The following DCLK3 variants were observed in gnomAD, a reference collection of about 807,000 sequenced individuals.
DCLK3 encodes doublecortin like kinase 3.
Under a neutral mutation model 46.4 loss-of-function variants are expected in DCLK3, and 30 were observed. The observed-to-expected ratio is 0.65, with a 90% confidence interval of 0.48 to 0.88. The LOEUF (loss-of-function observed/expected upper bound fraction) is 0.88, where lower values mean the gene tolerates loss of function less well. Among genes scored for constraint, DCLK3 ranks in the 40% least tolerant of loss-of-function variants. The pLI is 0.00. For missense variants in DCLK3, 846 were observed against 907.1 expected (o/e 0.93, Z 0.87); for synonymous variants, 401 against 339.2 (o/e 1.18, Z -2.00).
chr3:36,714,228 C>T lies in DCLK3; in HGVS notation c.*1100G>A, dbSNP rs1700946874. On this transcript the variant is annotated 3_prime_UTR_variant, in exon 5 of 5. Coordinates refer to ENST00000636136, the MANE Select transcript of DCLK3 (RefSeq NM_001394672.2). ...TCTAGTACTATTCCGGTTTTCCTAACTAACACACGCCTCCGCCCAGATGGC... is the reference window on the plus strand; with the variant it reads ...TCTAGTACTATTCCGGTTTTCCTAATTAACACACGCCTCCGCCCAGATGGC... The T allele has an allele frequency of 6.6e-6, 1 of 152,224 alleles. No homozygotes were observed. 9.4% of individuals were successfully genotyped at this position (152,224 alleles called of 1,614,324 possible). A position where few individuals can be genotyped will look rare whatever the true frequency, so the allele number is the denominator to read the frequency against.
In DCLK3 at chr3:36,712,715, T is replaced by A. The variant is rs1353383464; in HGVS notation, c.*2613A>T. On this transcript the variant is annotated 3_prime_UTR_variant, in exon 5 of 5. Coordinates refer to ENST00000636136, the MANE Select transcript of DCLK3 (RefSeq NM_001394672.2). ...AAATAATCAAAATGTAGTCTTTTTT[T>A]TCTTCTTTCATTCAGCCTAATTCTT... is the stretch of plus-strand genomic sequence containing the variant. 1.3e-5 allele frequency: 2 copies of A among 152,238 alleles called. No individual in the cohort carries two copies. Among genetic ancestry groups the A allele is most frequent in the Non-Finnish European group, 2.9e-5 (2 of 68,050 alleles). 9.4% of individuals were successfully genotyped at this position (152,238 alleles called of 1,614,324 possible).
At chr3:36,734,328 T>C (rs1701233886) in intron 2 of DCLK3, among the ~76,000 whole-genome samples, 1 of 152,170 alleles carries the variant, frequency 6.6e-6, no homozygotes, top group African/African-American at 2.4e-5. Context: ...TGTTAAACTT[T>C]ACTCACCCAG....
chr3:36,752,723 A>C (rs1210327718), intron 1 of DCLK3, among the ~76,000 whole-genome samples: 1 of 151,974 alleles, frequency 6.6e-6, no homozygotes, highest in Admixed American at 6.6e-5. Flanking sequence ...CCCCTCCCTC[A>C]CCAGTCTGGT....
intron 1 of DCLK3, among the ~76,000 whole-genome samples, chr3:36,748,997 C>G (rs1701416682): frequency 6.6e-6 from 1 of 152,190 alleles, no homozygotes; most frequent in South Asian, 2.1e-4. Context: ...GGGACAGCTT[C>G]TCTTTCAGTC....
chr3:36,735,097 G>T (rs946925542), intron 2 of DCLK3, among the ~76,000 whole-genome samples: 1 of 152,164 alleles, frequency 6.6e-6, no homozygotes, highest in Admixed American at 6.5e-5. Flanking sequence ...GCTATAGTAG[G>T]CACATGACTG....
chr3:36,727,338 C>A (rs1304286996), intron 2 of DCLK3, among the ~76,000 whole-genome samples: 1 of 152,118 alleles, frequency 6.6e-6, no homozygotes, highest in Non-Finnish European at 1.5e-5. Context: ...ACTTAGTATA[C>A]CAAAGTAAGA....
rs1200246283 is a variant in DCLK3, at chr3:36,737,469, G to A, written c.1698C>T (p.Asp566=). Residue 566 remains aspartate (D), a synonymous_variant, in exon 2 of 5, where the codon GAC becomes GAT. Coordinates refer to ENST00000636136, the MANE Select transcript of DCLK3 (RefSeq NM_001394672.2). This position sits in a 1 kb window ranked among gnomAD's most constrained non-coding sequence, Gnocchi z 4.4. ...IDKSRLKGKE[D]MVDSEILIIQ... is the part of the protein sequence containing the mutation. ...TGATCAAGATCTCACTGTCCACCAT[G>A]TCCTCCTTGCCCTTGAGTCTGGACT... 3.1e-6 allele frequency: 5 copies of A among 1,614,076 alleles called. No homozygotes were observed. The highest frequency in any genetic ancestry group is 2.7e-5 in the African/African-American group (2 of 74,938).
intron 1 of DCLK3, among the ~76,000 whole-genome samples, chr3:36,754,687 C>T (rs73824476): frequency 0.018 from 2,693 of 152,280 alleles, 75 homozygotes; most frequent in African/African-American, 0.058. Context: ...TTCATGGCTC[C>T]TGTAACTCTG....
chr3:36,724,850 T>C (rs1274728235), intron 2 of DCLK3, among the ~76,000 whole-genome samples: 1 of 152,058 alleles, frequency 6.6e-6, no homozygotes, highest in East Asian at 1.9e-4. Context: ...GGAAGTAAAC[T>C]AATAAGCAGG....
rs181512442 is a variant in DCLK3, at chr3:36,737,798, G to A, written c.1369C>T (p.Arg457Cys). The A allele has an allele frequency of 5.6e-5, 90 of 1,613,996 alleles. 1 individual carries two copies. Among genetic ancestry groups the A allele is most frequent in the East Asian group, 1.8e-4 (8 of 44,866 alleles). The stretch of plus-strand genomic sequence containing the variant: ...TCCTTCTCTTCTCCTCGGGTCCTGC[G>A]GAGCTTCTCAAAGCCCGCCTGGTGC... ...REHQAGFEKL[R>C]RTRGEEKEAE... Residue 457 changes from arginine (R) to cysteine (C), a missense_variant, in exon 2 of 5, where the codon CGC becomes TGC. Coordinates refer to ENST00000636136, the MANE Select transcript of DCLK3 (RefSeq NM_001394672.2). This position sits in a 1 kb window ranked among gnomAD's most constrained non-coding sequence, Gnocchi z 4.4.
rs1575140404 is a variant in DCLK3, at chr3:36,734,308, CAT to C, written c.1959+2898_1959+2899del. On this transcript the variant is annotated intron_variant, in intron 2 of 4. Transcript: ENST00000636136. Reference sequence around the variant, plus strand: ...CATCAGATAGCATTTAGACTTCTGACATAACAATATGTTAAACTTTACTCACC... The same window carrying C: ...CATCAGATAGCATTTAGACTTCTGACAACAATATGTTAAACTTTACTCACC... Among the ~76,000 whole-genome samples the C allele has an allele frequency of 3.3e-5, 5 of 152,278 alleles. No individual in the cohort carries two copies. In the South Asian group the frequency reaches 6.2e-4, roughly 19 times the overall value.
chr3:36,736,764 G>A (rs1701267980), intron 2 of DCLK3, among the ~76,000 whole-genome samples: 3 of 152,166 alleles, frequency 2.0e-5, no homozygotes, highest in Non-Finnish European at 4.4e-5. Context: ...GACCCTTACA[G>A]TGCTGCACCT....
intron 1 of DCLK3, among the ~76,000 whole-genome samples, chr3:36,750,176 G>T (rs1701427039): frequency 6.6e-6 from 1 of 152,140 alleles, no homozygotes; most frequent in Admixed American, 6.5e-5. Flanking sequence ...TGCTTCCCGG[G>T]TTCAAGCGAC....
At chr3:36,753,222 T>C (rs564331449) in intron 1 of DCLK3, among the ~76,000 whole-genome samples, 17 of 152,260 alleles carry the variant, frequency 1.1e-4, no homozygotes, top group African/African-American at 4.1e-4. Flanking sequence ...GCATAGAAAA[T>C]ATAAAACTTT....
intron 4 of DCLK3, among the ~76,000 whole-genome samples, chr3:36,717,247 C>A (rs1015196198): frequency 6.6e-6 from 1 of 152,166 alleles, no homozygotes; most frequent in Admixed American, 6.5e-5. Context: ...TCCAGAGCAA[C>A]TGGGACCACC....
At chr3:36,758,063 G>A (rs1344604754) in intron 1 of DCLK3, among the ~76,000 whole-genome samples, 1 of 152,084 alleles carries the variant, frequency 6.6e-6, no homozygotes, top group Non-Finnish European at 1.5e-5. Flanking sequence ...TGGGAAAAGT[G>A]ATGTCTCTGA....
chr3:36,732,538 C>T (rs1701211103), intron 2 of DCLK3, among the ~76,000 whole-genome samples: 1 of 152,226 alleles, frequency 6.6e-6, no homozygotes, highest in Non-Finnish European at 1.5e-5. Flanking sequence ...TCTTACATAA[C>T]AGCATTCTCA....
chr3:36,731,032 A>G (rs1701192386), intron 2 of DCLK3, among the ~76,000 whole-genome samples: 1 of 152,054 alleles, frequency 6.6e-6, no homozygotes, highest in African/African-American at 2.4e-5. Flanking sequence ...CAGGCCATGG[A>G]AATGACCTTG....
At position 36,733,776 on chromosome 3, in the gene DCLK3, A is replaced by G. The variant is rs551387973; in HGVS notation, c.1959+3432T>C. Among the ~76,000 whole-genome samples, 10 of 152,376 alleles carry G rather than the reference A, an allele frequency of 6.6e-5. No individual in the cohort carries two copies. The East Asian group carries it at 1.9e-3, about 29-fold the overall frequency. On this transcript the variant is annotated intron_variant, in intron 2 of 4. Coordinates refer to ENST00000636136, the MANE Select transcript of DCLK3 (RefSeq NM_001394672.2). The stretch of plus-strand genomic sequence containing the variant: ...TCTTATCAGGAAATGTAATCAGTAG[A>G]AATAGATAAACTCAGGAATATAGGC...
Sources: allele counts gnomAD v4.1 joint callset (sites outside exome capture counted in the v4.1 genomes callset), GRCh38; gene constraint gnomAD v4.1.1; non-coding constraint Gnocchi (gnomAD v3.1); transcripts MANE v1.5; gene names NCBI Gene and HGNC (gene_info 2026-07-23, HGNC 2026-07-21).